The following DLGAP1 variants were observed in gnomAD, a reference collection of about 807,000 sequenced individuals.
DLGAP1 encodes the protein disks large-associated protein 1.
In DLGAP1, 11 loss-of-function variants were observed where a neutral mutation model predicts 90.8. The observed-to-expected ratio is 0.12, with a 90% confidence interval of 0.08 to 0.20. The LOEUF (loss-of-function observed/expected upper bound fraction) is 0.20. DLGAP1 is among the 10% of genes least tolerant of loss of function. The probability of loss-of-function intolerance (pLI) is 1.00; values close to 1 mark genes in which losing one functional copy is unlikely to be tolerated. For synonymous variants in DLGAP1, 558 were observed against 540.7 expected (o/e 1.03, Z -0.44); for missense variants, 1,050 against 1,333.8 (o/e 0.79, Z 3.31).
At chr18:3,633,827 C>T (rs2058603718) in intron 7 of DLGAP1, among the ~76,000 whole-genome samples, 2 of 152,084 alleles carry the variant, frequency 1.3e-5, no homozygotes, top group Admixed American at 6.5e-5. Context: ...AGTGTAAGAA[C>T]GTAAGCTCTA....
At chr18:4,272,276 T>G (rs1316226843) in intron 1 of DLGAP1, among the ~76,000 whole-genome samples, 1 of 152,228 alleles carries the variant, frequency 6.6e-6, no homozygotes, top group Non-Finnish European at 1.5e-5. Context: ...ATCTGCAGCT[T>G]TTTTGAAGAA....
At chr18:3,630,314 G>C (rs943076861) in intron 7 of DLGAP1, among the ~76,000 whole-genome samples, 3 of 152,104 alleles carry the variant, frequency 2.0e-5, no homozygotes, top group African/African-American at 7.2e-5. Flanking sequence ...CTGAAACATT[G>C]GTCCTCCTTG....
intron 2 of DLGAP1, among the ~76,000 whole-genome samples, chr18:4,114,056 CTTTTTTTTT>C (rs58180172): frequency 1.2e-4 from 13 of 106,920 alleles, no homozygotes; most frequent in South Asian, 2.9e-4. Flanking sequence ...ATGCCTCTGG[CTTTTTTTTT>C]TTTTTTTTTT....
chr18:4,344,546 G>A (rs1374674935), intron 1 of DLGAP1, among the ~76,000 whole-genome samples: 2 of 152,194 alleles, frequency 1.3e-5, no homozygotes, highest in African/African-American at 4.8e-5. Context: ...AGAGAAAACA[G>A]AGAAAAGTAT....
chr18:3,716,579 C>CT (rs1488287537), intron 7 of DLGAP1, among the ~76,000 whole-genome samples: 3 of 152,052 alleles, frequency 2.0e-5, no homozygotes, highest in Non-Finnish European at 4.4e-5. Context: ...ATGCACACCT[C>CT]AGAACATTTG....
intron 7 of DLGAP1, among the ~76,000 whole-genome samples, chr18:3,666,086 G>A (rs931748060): frequency 1.3e-5 from 2 of 152,148 alleles, no homozygotes; most frequent in Admixed American, 1.3e-4. Flanking sequence ...GAGCCCCGCG[G>A]TCAGGCAGAG....
At chr18:3,602,609 A>AC (rs2057123597) in intron 7 of DLGAP1, among the ~76,000 whole-genome samples, 1 of 151,622 alleles carries the variant, frequency 6.6e-6, no homozygotes, top group African/African-American at 2.4e-5. Flanking sequence ...AAAAAAAAAA[A>AC]AAAAAAACAA....
At chr18:4,274,243 T>C (rs1438452025) in intron 1 of DLGAP1, among the ~76,000 whole-genome samples, 1 of 152,170 alleles carries the variant, frequency 6.6e-6, no homozygotes, top group Admixed American at 6.5e-5. Context: ...GTTTTTGGAT[T>C]TCTTTTTTAA....
intron 12 of DLGAP1, among the ~76,000 whole-genome samples, chr18:3,500,517 A>G (rs2049873906): frequency 2.6e-5 from 4 of 152,218 alleles, no homozygotes; most frequent in Non-Finnish European, 4.4e-5. Context: ...TGCTTGCCAG[A>G]GCAAGTGCCT....
At chr18:3,788,904 C>T (rs573017165) in intron 5 of DLGAP1, among the ~76,000 whole-genome samples, 1 of 152,278 alleles carries the variant, frequency 6.6e-6, no homozygotes, top group African/African-American at 2.4e-5. Flanking sequence ...ATGCTGAAAA[C>T]AAACAACAGC....
intron 1 of DLGAP1, among the ~76,000 whole-genome samples, chr18:4,361,151 G>T (rs1412972314): frequency 6.6e-6 from 1 of 151,978 alleles, no homozygotes; most frequent in African/African-American, 2.4e-5. Flanking sequence ...GAGTGTCTAA[G>T]AAATTAATAT....
chr18:3,978,138 T>C, intron 3 of DLGAP1: 2 of 451,722 alleles, frequency 4.4e-6, no homozygotes, highest in African/African-American at 2.0e-5. Context: ...AAAGTTGTCA[T>C]GGATGACCTT....
intron 1 of DLGAP1, among the ~76,000 whole-genome samples, chr18:4,196,461 A>G (rs900100016): frequency 6.6e-6 from 1 of 152,234 alleles, no homozygotes; most frequent in Admixed American, 6.5e-5. Context: ...CATTTATAAA[A>G]ACACTGCTTA....
chr18:4,192,051 A>G (rs2077410825), intron 1 of DLGAP1, among the ~76,000 whole-genome samples: 1 of 152,174 alleles, frequency 6.6e-6, no homozygotes, highest in Non-Finnish European at 1.5e-5. Flanking sequence ...TCAAATTTAG[A>G]TAATATAATT....
intron 10 of DLGAP1, among the ~76,000 whole-genome samples, chr18:3,516,834 C>T (rs982160716): frequency 3.3e-4 from 50 of 152,180 alleles, no homozygotes; most frequent in African/African-American, 2.2e-4. Flanking sequence ...TCAGGTCCCT[C>T]CCACAACATA....
chr18:4,312,460 A>G (rs1415289321), intron 1 of DLGAP1, among the ~76,000 whole-genome samples: 1 of 152,198 alleles, frequency 6.6e-6, no homozygotes, highest in African/African-American at 2.4e-5. Context: ...GCAGAACCCC[A>G]CCATAAGTGG....
chr18:4,195,830 G>A (rs2077487548), intron 1 of DLGAP1, among the ~76,000 whole-genome samples: 1 of 152,330 alleles, frequency 6.6e-6, no homozygotes, highest in South Asian at 2.1e-4. Flanking sequence ...TGGGATTACA[G>A]GCATGAGCCA....
chr18:3,991,101 C>A (rs1479066613), intron 3 of DLGAP1, among the ~76,000 whole-genome samples: 1 of 152,082 alleles, frequency 6.6e-6, no homozygotes, highest in East Asian at 1.9e-4. Flanking sequence ...AGGTAATCAG[C>A]ATAAAACTTT....
intron 1 of DLGAP1, among the ~76,000 whole-genome samples, chr18:4,159,418 A>G (rs926329615): frequency 6.6e-6 from 1 of 152,182 alleles, no homozygotes; most frequent in Non-Finnish European, 1.5e-5. Context: ...ATCATTGTCC[A>G]TGGACCAAGC....
Sources: allele counts gnomAD v4.1 joint callset (sites outside exome capture counted in the v4.1 genomes callset), GRCh38; gene constraint gnomAD v4.1.1; transcripts MANE v1.5; gene names NCBI Gene and HGNC (gene_info 2026-07-23, HGNC 2026-07-21).